ZYG11B: variants seen among roughly 807,000 people sequenced by gnomAD.
ZYG11B encodes the protein protein zyg-11 homolog B.
ZYG11B carries 36 observed loss-of-function variants against 82.4 expected under a neutral mutation model. The ratio of observed to expected loss-of-function variants is 0.44; its 90% confidence interval spans 0.33 to 0.58. The LOEUF is 0.58. Ranked by LOEUF, ZYG11B falls within the 20% of genes least tolerant of loss-of-function variation. ZYG11B has a pLI of 0.02. For missense variants in ZYG11B, 552 were observed against 895.6 expected, an observed-to-expected ratio of 0.62 and a Z score of 4.90; for synonymous variants, 303 against 312.8, an observed-to-expected ratio of 0.97 and a Z score of 0.33.
At chr1:52,735,942 G>T (rs1392279647) in intron 1 of ZYG11B, among the ~76,000 whole-genome samples, 3 of 152,106 alleles carry the variant, frequency 2.0e-5, no homozygotes, top group African/African-American at 7.2e-5. Context: ...CAAAAAGCAG[G>T]TCCAGTAGGA....
chr1:52,765,526 G>C (rs1441208331), intron 2 of ZYG11B, among the ~76,000 whole-genome samples: 2 of 151,876 alleles, frequency 1.3e-5, no homozygotes, highest in Non-Finnish European at 1.5e-5. Flanking sequence ...TTTTTTCCCA[G>C]TCAGGGTCTT....
At chr1:52,761,739 G>A (rs1644633394) in intron 2 of ZYG11B, among the ~76,000 whole-genome samples, 1 of 152,140 alleles carries the variant, frequency 6.6e-6, no homozygotes, top group East Asian at 1.9e-4. Flanking sequence ...TCTATTTGTA[G>A]TTTTTTGAGG....
chr1:52,751,921 C>G (rs1483553694), intron 1 of ZYG11B, among the ~76,000 whole-genome samples: 1 of 151,502 alleles, frequency 6.6e-6, no homozygotes, highest in African/African-American at 2.4e-5. Context: ...CTGTTTTCTC[C>G]TACTGTACTC....
At chr1:52,780,798 G>T (rs1284863904) in intron 4 of ZYG11B, among the ~76,000 whole-genome samples, 6 of 152,068 alleles carry the variant, frequency 3.9e-5, no homozygotes, top group Non-Finnish European at 8.8e-5. Flanking sequence ...CTTTTGAAGG[G>T]CAAGAAAGGA....
At chr1:52,762,976 T>C (rs1420473635) in intron 2 of ZYG11B, among the ~76,000 whole-genome samples, 1 of 103,060 alleles carries the variant, frequency 9.7e-6, no homozygotes, top group Non-Finnish European at 1.9e-5. Context: ...GGTGAGAGAT[T>C]GGGGGGGGGG....
At chr1:52,809,532 G>A (rs1048589887) in intron 10 of ZYG11B, among the ~76,000 whole-genome samples, 2 of 152,138 alleles carry the variant, frequency 1.3e-5, no homozygotes, top group African/African-American at 2.4e-5. Flanking sequence ...ATGGGGTATA[G>A]TTCCAGAAAT....
intron 3 of ZYG11B, among the ~76,000 whole-genome samples, chr1:52,776,879 A>T (rs565519326): frequency 3.9e-5 from 6 of 152,194 alleles, no homozygotes; most frequent in Non-Finnish European, 7.3e-5. Context: ...TATGTATGTT[A>T]TACATAAATA....
At chr1:52,741,298 C>CAAAAAAAAAAAAAAAAAAAAAA (rs770092920) in intron 1 of ZYG11B, among the ~76,000 whole-genome samples, 8 of 72,200 alleles carry the variant, frequency 1.1e-4, no homozygotes, top group African/African-American at 1.3e-4. Flanking sequence ...GACTTCGTCT[C>CAAAAAAAAAAAAAAAAAAAAAA]AAAAAAAAAA....
rs765908333 is a variant in ZYG11B, at chr1:52,821,873, CAGTGTTTGAACTT to C, written c.*246_*258del. ...CTTTTAGGAAATTTTCCACATCTTTCAGTGTTTGAACTTACTTGTGCTTGAGATTCTACAGTTT... is the reference window on the plus strand; with the variant it reads ...CTTTTAGGAAATTTTCCACATCTTTCACTTGTGCTTGAGATTCTACAGTTT... On this transcript the variant is annotated 3_prime_UTR_variant, in exon 14 of 14. Transcript: ENST00000294353. 38 of 364,450 alleles carry C rather than the reference CAGTGTTTGAACTT, an allele frequency of 1.0e-4. No homozygotes were observed. Among genetic ancestry groups the C allele is most frequent in the Non-Finnish European group, 1.5e-4 (31 of 203,880 alleles). The allele number at this position is 364,450 out of a possible 1,614,324, so 22.6% of individuals were successfully genotyped here.
rs1644579170 is a variant in ZYG11B at position 52,756,622 on chromosome 1, T to C, written c.195T>C (p.His65=). The C allele has an allele frequency of 1.3e-6, 2 of 1,597,964 alleles. No individual in the cohort carries two copies. Among genetic ancestry groups the C allele is most frequent in the Admixed American group, 1.8e-5 (1 of 57,084 alleles). The change falls in exon 2 of 14, where the codon CAT becomes CAC. Residue 65 remains histidine (H), a splice_region_variant and synonymous_variant. Coordinates refer to ENST00000294353, the MANE Select transcript of ZYG11B (RefSeq NM_024646.3). ...ADRLLRTMAF[H]GLLNDGTVGI... ...GACTGCTTCGGACCATGGCTTTTCA[T>C]GGTAAAAAAATAAACAGAGGAAACA...
At chr1:52,765,122 A>C (rs1217751252) in intron 2 of ZYG11B, among the ~76,000 whole-genome samples, 2 of 151,900 alleles carry the variant, frequency 1.3e-5, no homozygotes, top group Non-Finnish European at 2.9e-5. Flanking sequence ...CCTGGCCTCA[A>C]GGAGTCCTCC....
intron 12 of ZYG11B, among the ~76,000 whole-genome samples, 171 bp from the exon 13 acceptor site, chr1:52,816,361 G>T (rs1372992595): frequency 6.6e-6 from 1 of 152,052 alleles, no homozygotes; most frequent in Non-Finnish European, 1.5e-5. Flanking sequence ...ATGTCTGAAT[G>T]CAGTCTTCTC....
chr1:52,815,609 G>A (rs1645216698), intron 12 of ZYG11B, among the ~76,000 whole-genome samples: 1 of 151,988 alleles, frequency 6.6e-6, no homozygotes, highest in South Asian at 2.1e-4. Context: ...AACAGAGTGA[G>A]ACCCTGTCTC....
intron 1 of ZYG11B, among the ~76,000 whole-genome samples, chr1:52,743,555 T>TA (rs1366428199): frequency 6.6e-5 from 10 of 150,556 alleles, no homozygotes; most frequent in Admixed American, 2.0e-4. Flanking sequence ...TTACCAAAAA[T>TA]AAAAAAAAAT....
chr1:52,762,815 C>T (rs932107558), intron 2 of ZYG11B, among the ~76,000 whole-genome samples: 1 of 152,056 alleles, frequency 6.6e-6, no homozygotes, highest in Non-Finnish European at 1.5e-5. Flanking sequence ...CTCCTGACCT[C>T]AGGTGATCTG....
intron 10 of ZYG11B, among the ~76,000 whole-genome samples, chr1:52,809,535 C>T (rs1414005093): frequency 6.6e-6 from 1 of 152,074 alleles, no homozygotes; most frequent in Non-Finnish European, 1.5e-5. Context: ...GGGTATAGTT[C>T]CAGAAATAGA....
At chr1:52,815,651 T>C (rs1327177323) in intron 12 of ZYG11B, among the ~76,000 whole-genome samples, 1 of 150,468 alleles carries the variant, frequency 6.6e-6, no homozygotes, top group Non-Finnish European at 1.5e-5. Flanking sequence ...AATAAATAAA[T>C]AGGCCGGGCA....
Position 52,806,128 on chromosome 1 carries a change from A to T in ZYG11B, c.1695+3989A>T, listed in dbSNP as rs78641105. The stretch of plus-strand genomic sequence containing the variant: ...ATTTAATTATTTATGGTCAGAGAAT[A>T]TGCTTTGTTTGGTTTGAGTCCTTCT... On this transcript the variant is annotated intron_variant, in intron 10 of 13. Transcript: ENST00000294353. 7.0e-3 allele frequency among the ~76,000 whole-genome samples: 1,062 copies of T among 152,292 alleles called. 21 individuals carry two copies. Among genetic ancestry groups the T allele is most frequent in the African/African-American group, 0.025 (1,020 of 41,572 alleles).
chr1:52,732,114 T>C (rs1449724005), intron 1 of ZYG11B, among the ~76,000 whole-genome samples: 6 of 152,244 alleles, frequency 3.9e-5, no homozygotes, highest in Non-Finnish European at 8.8e-5. Context: ...ATTTTTTTCT[T>C]ATGACAGTGA....
Sources: allele counts gnomAD v4.1 joint callset (sites outside exome capture counted in the v4.1 genomes callset), GRCh38; gene constraint gnomAD v4.1.1; transcripts MANE v1.5; gene names NCBI Gene and HGNC (gene_info 2026-07-23, HGNC 2026-07-21).